Variants in MPDU1 observed in about 807,000 individuals in gnomAD.
MPDU1 encodes the protein mannose-P-dolichol utilization defect 1.
Under a neutral mutation model 27.6 loss-of-function variants are expected in MPDU1, and 18 were observed. That is an observed-to-expected ratio of 0.65 (90% CI 0.45 to 0.97). The LOEUF (loss-of-function observed/expected upper bound fraction) is 0.97. MPDU1 is among the 50% of genes least tolerant of loss of function. The pLI is 0.00. For synonymous variants in MPDU1, 142 were observed against 131.1 expected (o/e 1.08, Z -0.57); for missense variants, 279 against 297.4 (o/e 0.94, Z 0.46).
At chr17:7,585,699 C>T (rs781171655) in intron 1 of MPDU1, 33 bp from the exon 2 acceptor site, 1 of 1,607,510 alleles carries the variant, frequency 6.2e-7, no homozygotes, top group Non-Finnish European at 8.5e-7. Context: ...TTTCAGACAT[C>T]TCCTGTCTGC....
chr17:7,584,588 G>A (rs975783718), intron 1 of MPDU1, among the ~76,000 whole-genome samples: 4 of 152,332 alleles, frequency 2.6e-5, no homozygotes, highest in East Asian at 1.9e-4. Context: ...TCCTTGAGGG[G>A]AAGGCTTCAA....
upstream of MPDU1, chr17:7,583,791 G>A (rs769523542): frequency 6.7e-7 from 1 of 1,497,728 alleles, no homozygotes; most frequent in South Asian, 1.1e-5. Context: ...GGGAGGCGGA[G>A]TGTCCGCAGC....
intron 1 of MPDU1, chr17:7,584,253 A>T: frequency 1.7e-6 from 1 of 595,352 alleles, no homozygotes; most frequent in Non-Finnish European, 3.0e-6. Flanking sequence ...ATTAAGTCAA[A>T]TCATGCCAAC....
chr17:7,583,906 C>T lies in MPDU1; in HGVS notation c.44C>T (p.Pro15Leu). The part of the protein sequence containing the change: ...ADGPLKRLLV[P>L]ILLPEKCYDQ... ...GGACCGCTTAAACGGCTGCTCGTGC[C>T]GATTCTTTTACCTGAGAAATGCTAC... The change falls in exon 1 of 7, where the codon CCG becomes CTG. Residue 15 changes from proline (P) to leucine (L), a missense_variant. By Grantham distance (98) the Pro-to-Leu change is moderately conservative (BLOSUM62 -3). Coordinates refer to ENST00000250124, the MANE Select transcript of MPDU1 (RefSeq NM_004870.4). 1 of 1,614,176 alleles carries T rather than the reference C, an allele frequency of 6.2e-7. No homozygotes were observed. Among genetic ancestry groups the T allele is most frequent in the East Asian group, 2.2e-5 (1 of 44,882 alleles).
chr17:7,587,900 C>G lies in MPDU1; in HGVS notation c.*349C>G, dbSNP rs1168531467. 4.1e-6 allele frequency: 2 copies of G among 490,660 alleles called. No homozygotes were observed. Among genetic ancestry groups the G allele is most frequent in the Admixed American group, 4.6e-5 (2 of 43,546 alleles). The allele number at this position is 490,660 out of a possible 1,614,324, so 30.4% of individuals were successfully genotyped here. A position where few individuals can be genotyped will look rare whatever the true frequency, so the allele number is the denominator to read the frequency against. Reference sequence around the variant, plus strand: ...CAAATGTTTTACCCTGTCCTCCAGCCTCCCTGCTTCCCTTCTGGCCCTGGA... The same window carrying G: ...CAAATGTTTTACCCTGTCCTCCAGCGTCCCTGCTTCCCTTCTGGCCCTGGA... On this transcript the variant is annotated 3_prime_UTR_variant, in exon 7 of 7. Coordinates refer to ENST00000250124, the MANE Select transcript of MPDU1 (RefSeq NM_004870.4).
At chr17:7,586,219 G>C in intron 3 of MPDU1, 141 bp downstream of exon 3, 1 of 1,007,148 alleles carries the variant, frequency 9.9e-7, no homozygotes, top group Non-Finnish European at 1.5e-6. Context: ...GCCGAGGCGG[G>C]TGGATCACCT....
chr17:7,583,846 G>A, upstream of MPDU1: 2 of 1,613,648 alleles, frequency 1.2e-6, no homozygotes, highest in Non-Finnish European at 1.7e-6. Context: ...GAGACTGGCG[G>A]AAGCTAGCTT....
At position 7,587,738 on chromosome 17, in the gene MPDU1, A is replaced by T. The variant is rs949887102; in HGVS notation, c.*187A>T. 1 of 918,822 alleles carries T rather than the reference A, an allele frequency of 1.1e-6. No individual in the cohort carries two copies. Among genetic ancestry groups the T allele is most frequent in the Non-Finnish European group, 1.7e-6 (1 of 589,498 alleles). The allele number at this position is 918,822 out of a possible 1,614,324, so 56.9% of individuals were successfully genotyped here. A position where few individuals can be genotyped will look rare whatever the true frequency, so the allele number is the denominator to read the frequency against. On this transcript the variant is annotated 3_prime_UTR_variant, in exon 7 of 7. Transcript: ENST00000250124. ...ATCCAGATCCTTAGAAAAGGAGAGGATGGGGGTAGAGTCTCCCAAGCCAAA... is the reference window on the plus strand; with the variant it reads ...ATCCAGATCCTTAGAAAAGGAGAGGTTGGGGGTAGAGTCTCCCAAGCCAAA...
At chr17:7,584,514 C>T (rs989850303) in intron 1 of MPDU1, among the ~76,000 whole-genome samples, 5 of 152,156 alleles carry the variant, frequency 3.3e-5, no homozygotes, top group African/African-American at 2.4e-5. Context: ...CTCTTGAGCT[C>T]GTGGGGCACT....
In MPDU1 at chr17:7,587,524, T is replaced by C; in HGVS notation, c.717T>C (p.Pro239=). ...AQLLFYWNAK[P]PHKQKKAQ ...TGCTCTTCTACTGGAATGCAAAGCC[T>C]CCCCACAAGCAGAAAAAGGCGCAGT... The change falls in exon 7 of 7, where the codon CCT becomes CCC. Residue 239 remains proline (P), a synonymous_variant. Transcript: ENST00000250124. The C allele has an allele frequency of 6.2e-7, 1 of 1,613,258 alleles. No homozygotes were observed. The highest frequency in any genetic ancestry group is 8.5e-7 in the Non-Finnish European group (1 of 1,179,852).
intron 1 of MPDU1, among the ~76,000 whole-genome samples, chr17:7,585,119 C>T (rs1174615831): frequency 6.6e-6 from 1 of 152,162 alleles, no homozygotes; most frequent in East Asian, 1.9e-4. Flanking sequence ...GGGCATTTCT[C>T]AGCTTTATAT....
chr17:7,583,686 C>G, upstream of MPDU1: 1 of 784,144 alleles, frequency 1.3e-6, no homozygotes, highest in South Asian at 1.4e-5. Flanking sequence ...AACGTGGTCC[C>G]TGACTGAGAC....
rs767042768 is a variant in MPDU1 at position 7,586,886 on chromosome 17, TC to T, written c.389-9del. The T allele has an allele frequency of 1.2e-6, 2 of 1,613,594 alleles. No homozygotes were observed. Among genetic ancestry groups the T allele is most frequent in the South Asian group, 2.2e-5 (2 of 91,068 alleles). On this transcript the variant is annotated splice_polypyrimidine_tract_variant and intron_variant, in intron 4 of 6. Coordinates refer to ENST00000250124, the MANE Select transcript of MPDU1 (RefSeq NM_004870.4). ...GGAGAGATTGACAAGGACTCCTGTCTCCCCACCCCTAGGTGTCGCTTTCCTC... is the reference window on the plus strand; with the variant it reads ...GGAGAGATTGACAAGGACTCCTGTCTCCCACCCCTAGGTGTCGCTTTCCTC...
In MPDU1 at chr17:7,586,678, T is replaced by G. The variant is rs775233565; in HGVS notation, c.303-14T>G. 2 of 1,613,396 alleles carry G rather than the reference T, an allele frequency of 1.2e-6. No homozygotes were observed. The highest frequency in any genetic ancestry group is 2.2e-5 in the South Asian group (2 of 91,060). On this transcript the variant is annotated splice_polypyrimidine_tract_variant and intron_variant, in intron 3 of 6. Coordinates refer to ENST00000250124, the MANE Select transcript of MPDU1 (RefSeq NM_004870.4). Reference sequence around the variant, plus strand: ...TAGGCCCGCCTTTCTTCCTCCCAACTCTTGACTCTGCAGCTCTTGGGGTGA... The same window carrying G: ...TAGGCCCGCCTTTCTTCCTCCCAACGCTTGACTCTGCAGCTCTTGGGGTGA...
chr17:7,587,900 CTCCCTGCT>C lies in MPDU1; in HGVS notation c.*355_*362del, dbSNP rs1597866293. Reference sequence around the variant, plus strand: ...CAAATGTTTTACCCTGTCCTCCAGCCTCCCTGCTTCCCTTCTGGCCCTGGAAGACTGAG... The same window carrying C: ...CAAATGTTTTACCCTGTCCTCCAGCCTCCCTTCTGGCCCTGGAAGACTGAG... On this transcript the variant is annotated 3_prime_UTR_variant, in exon 7 of 7. Coordinates refer to ENST00000250124, the MANE Select transcript of MPDU1 (RefSeq NM_004870.4). 2 of 490,660 alleles carry C rather than the reference CTCCCTGCT, an allele frequency of 4.1e-6. No individual in the cohort carries two copies. The highest frequency in any genetic ancestry group is 1.2e-4 in the East Asian group (2 of 17,056). The allele number at this position is 490,660 out of a possible 1,614,324, so 30.4% of individuals were successfully genotyped here. A position where few individuals can be genotyped will look rare whatever the true frequency, so the allele number is the denominator to read the frequency against.
Position 7,586,922 on chromosome 17 carries a change from G to A in MPDU1, c.412G>A (p.Gly138Ser), listed in dbSNP as rs769411876. The change falls in exon 5 of 7, where the codon GGC becomes AGC. Residue 138 changes from glycine to serine, a missense_variant. Physicochemically the swap from Gly to Ser is moderately conservative, Grantham distance 56. Coordinates refer to ENST00000250124, the MANE Select transcript of MPDU1 (RefSeq NM_004870.4). ...AGGTGTCGCTTTCCTCGCTTGCTAC[G>A]GCCTGGTCCTGCTGGTGCTTCTCTC... Reference protein sequence around the residue: ...VKGVAFLACYGLVLLVLLSPL... With the variant: ...VKGVAFLACYSLVLLVLLSPL... 7.4e-6 allele frequency: 12 copies of A among 1,613,830 alleles called. No individual in the cohort carries two copies. The highest frequency in any genetic ancestry group is 4.5e-5 in the East Asian group (2 of 44,878).
intron 1 of MPDU1, 48 bp downstream of exon 1, chr17:7,584,013 G>C (rs1208059716): frequency 6.4e-7 from 1 of 1,571,194 alleles, no homozygotes. Flanking sequence ...AGTGACCGTG[G>C]GCCCTTAGTC....
intron 1 of MPDU1, 120 bp from the exon 2 acceptor site, chr17:7,585,612 C>G (rs1271062678): frequency 5.3e-6 from 5 of 937,928 alleles, no homozygotes; most frequent in Non-Finnish European, 8.7e-6. Context: ...CTCTCCTCCC[C>G]CCAAGACAAT....
At position 7,585,777 on chromosome 17, in the gene MPDU1, T is replaced by C. The variant is rs200909635; in HGVS notation, c.149T>C (p.Ile50Thr). ...ILLSKGLGLG[I>T]VAGSLLVKLP... ...CTCAGCAAAGGCCTGGGGCTGGGCATTGTGGCTGGCTCACTTCTAGGTATG... is the reference window on the plus strand; with the variant it reads ...CTCAGCAAAGGCCTGGGGCTGGGCACTGTGGCTGGCTCACTTCTAGGTATG... Residue 50 changes from isoleucine (I) to threonine (T), a missense_variant, in exon 2 of 7, where the codon ATT becomes ACT. Physicochemically the swap from Ile to Thr is moderately conservative, Grantham distance 89 (BLOSUM62 -1). Transcript: ENST00000250124. The C allele has an allele frequency of 1.1e-5, 17 of 1,614,174 alleles. No individual in the cohort carries two copies. In the Admixed American group the frequency reaches 1.3e-4, roughly 13 times the overall value.
Sources: gnomAD v4.1 joint callset for allele counts (sites outside exome capture counted in the v4.1 genomes callset) on GRCh38, gnomAD v4.1.1 for gene constraint, MANE v1.5 for transcripts, NCBI Gene and HGNC (gene_info 2026-07-23, HGNC 2026-07-21) for gene names.